Variants in NRG1 observed in about 807,000 individuals in gnomAD.
NRG1 encodes the protein pro-neuregulin-1, membrane-bound isoform.
A neutral mutation model predicts 63.8 loss-of-function variants in NRG1; 18 were observed. The ratio of observed to expected loss-of-function variants is 0.28; its 90% CI spans 0.19 to 0.42. The LOEUF (loss-of-function observed/expected upper bound fraction) is 0.42. NRG1 is among the 10% of genes least tolerant of loss of function. The pLI is 1.00. For synonymous variants in NRG1, 302 were observed against 301.3 expected (o/e 1.00, Z -0.02); for missense variants, 762 against 814.7 (o/e 0.94, Z 0.79).
intron 1 of NRG1, among the ~76,000 whole-genome samples, chr8:32,110,321 A>G (rs766223683): frequency 1.2e-4 from 18 of 152,180 alleles, no homozygotes; most frequent in Non-Finnish European, 2.5e-4. Flanking sequence ...GAAAGAGCTA[A>G]GAGAAGAAAG....
intron 1 of NRG1, among the ~76,000 whole-genome samples, chr8:32,592,196 A>C (rs1275881159): frequency 6.6e-6 from 1 of 152,024 alleles, no homozygotes; most frequent in Non-Finnish European, 1.5e-5. Flanking sequence ...TGAAGACATC[A>C]TGACATTTCA....
intron 1 of NRG1, among the ~76,000 whole-genome samples, chr8:31,696,012 GATAATGGATTA>G (rs1486800266): frequency 7.4e-6 from 1 of 134,924 alleles, no homozygotes; most frequent in African/African-American, 4.0e-5. Context: ...AGGATTAAAA[GATAATGGATTA>G]AAAGATAATG....
chr8:31,921,217 C>T (rs1451139423), intron 1 of NRG1, among the ~76,000 whole-genome samples: 1 of 152,062 alleles, frequency 6.6e-6, no homozygotes, highest in African/African-American at 2.4e-5. Flanking sequence ...GTGAAAATCT[C>T]GGTATTTCCT....
At chr8:32,386,358 G>A (rs4035323) in intron 1 of NRG1, among the ~76,000 whole-genome samples, 83,030 of 152,080 alleles carry the variant, frequency 0.55, 22,994 homozygotes, top group South Asian at 0.62. Flanking sequence ...AGAGTTAGAC[G>A]ACCCAGACTT....
At chr8:32,435,277 G>A (rs962584606) in intron 1 of NRG1, among the ~76,000 whole-genome samples, 5 of 152,084 alleles carry the variant, frequency 3.3e-5, no homozygotes, top group Admixed American at 2.0e-4. Flanking sequence ...GTGGGCCAAG[G>A]TGTCCACATA....
intron 1 of NRG1, among the ~76,000 whole-genome samples, chr8:32,472,134 T>G (rs751110631): frequency 1.3e-5 from 2 of 152,134 alleles, no homozygotes; most frequent in Non-Finnish European, 2.9e-5. Flanking sequence ...GAGAGGGGAA[T>G]GGGAAGTTAC....
At chr8:32,677,839 C>T (rs1056016235) in intron 5 of NRG1, among the ~76,000 whole-genome samples, 7 of 152,130 alleles carry the variant, frequency 4.6e-5, no homozygotes, top group African/African-American at 7.2e-5. Context: ...CCCCACAAAT[C>T]GCACTTATAA....
intron 1 of NRG1, among the ~76,000 whole-genome samples, chr8:31,937,514 A>G (rs540078131): frequency 6.6e-6 from 1 of 152,356 alleles, no homozygotes; most frequent in Admixed American, 6.5e-5. Context: ...GAGAGAATCC[A>G]CAGACCCTTT....
chr8:32,726,913 A>T (rs375704894), intron 5 of NRG1, among the ~76,000 whole-genome samples: 1 of 148,766 alleles, frequency 6.7e-6, no homozygotes, highest in East Asian at 1.9e-4. Context: ...GCCTCTAAAG[A>T]TGGATTTTTT....
At chr8:31,930,347 A>G (rs1241749648) in intron 1 of NRG1, among the ~76,000 whole-genome samples, 5 of 152,200 alleles carry the variant, frequency 3.3e-5, no homozygotes, top group Admixed American at 2.6e-4. Context: ...GTGAGCTCTA[A>G]TGGGGGCTAG....
intron 1 of NRG1, among the ~76,000 whole-genome samples, chr8:32,076,666 C>T (rs1177159323): frequency 6.6e-6 from 1 of 151,022 alleles, no homozygotes; most frequent in Non-Finnish European, 1.5e-5. Context: ...AACAAACCCC[C>T]ATGACACAAG....
chr8:31,818,484 G>T (rs889404200), intron 1 of NRG1, among the ~76,000 whole-genome samples: 1 of 152,136 alleles, frequency 6.6e-6, no homozygotes, highest in African/African-American at 2.4e-5. Context: ...TGGGGTTGGG[G>T]AAAGGAGATG....
intron 1 of NRG1, among the ~76,000 whole-genome samples, chr8:32,568,124 A>G (rs1211710807): frequency 6.6e-6 from 1 of 152,218 alleles, no homozygotes; most frequent in Admixed American, 6.5e-5. Flanking sequence ...TATGGTTAGG[A>G]TATGAATGGG....
intron 1 of NRG1, among the ~76,000 whole-genome samples, chr8:31,691,585 ACT>A (rs1436343763): frequency 1.0e-5 from 1 of 96,354 alleles, no homozygotes; most frequent in Non-Finnish European, 1.9e-5. Flanking sequence ...ACAGAGTGAG[ACT>A]CTGTCTCAAA....
exon 9 of NRG1, chr8:32,756,484 G>A: frequency 6.2e-7 from 1 of 1,613,466 alleles, no homozygotes; most frequent in Non-Finnish European, 8.5e-7. Context: ...TTGCCAATGG[G>A]CCTCACCATC....
At chr8:32,031,218 C>T (rs1818209962) in intron 1 of NRG1, among the ~76,000 whole-genome samples, 1 of 152,210 alleles carries the variant, frequency 6.6e-6, no homozygotes, top group Non-Finnish European at 1.5e-5. Flanking sequence ...CAGGCTCTGT[C>T]TCCATGGGCA....
chr8:32,729,299 T>C (rs773301981), intron 6 of NRG1, among the ~76,000 whole-genome samples: 4 of 152,200 alleles, frequency 2.6e-5, no homozygotes, highest in Non-Finnish European at 5.9e-5. Context: ...AAAATATATT[T>C]AATATTTTAT....
intron 1 of NRG1, among the ~76,000 whole-genome samples, chr8:32,363,546 G>T (rs966100566): frequency 6.6e-6 from 1 of 152,136 alleles, no homozygotes; most frequent in Admixed American, 6.6e-5. Flanking sequence ...CACCCTCAGT[G>T]TTAACTTGGC....
chr8:31,963,561 G>A (rs908925437), intron 1 of NRG1, among the ~76,000 whole-genome samples: 4 of 152,086 alleles, frequency 2.6e-5, no homozygotes, highest in Non-Finnish European at 5.9e-5. Flanking sequence ...TGTACAAAAT[G>A]CCATAATATT....
Sources: gnomAD v4.1 joint callset for allele counts (sites outside exome capture counted in the v4.1 genomes callset) on GRCh38, gnomAD v4.1.1 for gene constraint, MANE v1.5 for transcripts, NCBI Gene and HGNC (gene_info 2026-07-23, HGNC 2026-07-21) for gene names.